HYCC1: variants seen among roughly 807,000 people sequenced by gnomAD.
HYCC1 encodes the protein hyccin.
chr7:22,975,357 A>G, the HYCC1 span, among the ~76,000 whole-genome samples: 2 of 152,230 alleles, frequency 1.3e-5, no homozygotes, highest in Non-Finnish European at 2.9e-5. Flanking sequence ...ATATTCAACC[A>G]ATCAGGAAAT....
chr7:22,944,167 A>T, the HYCC1 span: 1 of 152,206 alleles, frequency 6.6e-6, no homozygotes, highest in African/African-American at 2.4e-5. Flanking sequence ...TCACAGTGAA[A>T]AAGAGCCAAG....
At chr7:22,915,419 A>G in the HYCC1 span, among the ~76,000 whole-genome samples, 4 of 152,238 alleles carry the variant, frequency 2.6e-5, no homozygotes, top group African/African-American at 9.6e-5. Flanking sequence ...CACTGGGCCA[A>G]GGAATGCCTG....
the HYCC1 span, among the ~76,000 whole-genome samples, chr7:23,005,715 T>C: frequency 6.6e-6 from 1 of 152,234 alleles, no homozygotes; most frequent in Non-Finnish European, 1.5e-5. Flanking sequence ...TGTTCTTCTG[T>C]AACCTGAAGC....
the HYCC1 span, among the ~76,000 whole-genome samples, chr7:23,012,477 A>G: frequency 6.6e-6 from 1 of 152,234 alleles, no homozygotes; most frequent in East Asian, 1.9e-4. Flanking sequence ...GAATAAGGAT[A>G]AACGAGCCAA....
At chr7:22,902,876 C>A in the HYCC1 span, among the ~76,000 whole-genome samples, 1 of 152,004 alleles carries the variant, frequency 6.6e-6, no homozygotes, top group African/African-American at 2.4e-5. Flanking sequence ...TAGATAGGAA[C>A]ACTAAAGCAT....
the HYCC1 span, among the ~76,000 whole-genome samples, chr7:22,955,557 T>A: frequency 6.6e-6 from 1 of 151,786 alleles, no homozygotes; most frequent in African/African-American, 2.4e-5. Context: ...AATGAATGAC[T>A]AGTATTACAA....
chr7:22,914,753 G>A, the HYCC1 span, among the ~76,000 whole-genome samples: 3 of 151,624 alleles, frequency 2.0e-5, no homozygotes, highest in Admixed American at 6.6e-5. Flanking sequence ...CCTTTTTTAC[G>A]GACCCATCTG....
chr7:22,903,351 G>T, the HYCC1 span, among the ~76,000 whole-genome samples: 43 of 151,616 alleles, frequency 2.8e-4, no homozygotes, highest in Middle Eastern at 3.4e-3. Flanking sequence ...GAAAAAAAAA[G>T]AGACTCCAAA....
chr7:22,971,690 A>C, the HYCC1 span, among the ~76,000 whole-genome samples: 1 of 151,820 alleles, frequency 6.6e-6, no homozygotes, highest in Non-Finnish European at 1.5e-5. Flanking sequence ...AAAAAAAAAA[A>C]AAAAAAAGAG....
chr7:22,921,472 T>C, the HYCC1 span, among the ~76,000 whole-genome samples: 1 of 152,328 alleles, frequency 6.6e-6, no homozygotes, highest in South Asian at 2.1e-4. Context: ...CATAAAGTAA[T>C]AATTGTAACA....
the HYCC1 span, among the ~76,000 whole-genome samples, chr7:22,994,621 T>C: frequency 6.6e-6 from 1 of 152,124 alleles, no homozygotes; most frequent in South Asian, 2.1e-4. Flanking sequence ...CCTCATTGTA[T>C]AGCTGAGCTC....
the HYCC1 span, among the ~76,000 whole-genome samples, chr7:22,993,635 T>C: frequency 6.6e-6 from 1 of 152,038 alleles, no homozygotes; most frequent in African/African-American, 2.4e-5. Context: ...TCAACTTTGT[T>C]AGTCATCAGG....
the HYCC1 span, among the ~76,000 whole-genome samples, chr7:22,901,290 A>C: frequency 6.6e-6 from 1 of 151,356 alleles, no homozygotes; most frequent in South Asian, 2.1e-4. Flanking sequence ...AAAAATGTTA[A>C]GCAACCCAGA....
the HYCC1 span, among the ~76,000 whole-genome samples, chr7:22,992,914 C>G: frequency 6.6e-6 from 1 of 152,078 alleles, no homozygotes; most frequent in Non-Finnish European, 1.5e-5. Context: ...GAACCAAGAA[C>G]AGTCAAGGGC....
the HYCC1 span, among the ~76,000 whole-genome samples, chr7:22,975,835 G>C: frequency 6.6e-6 from 1 of 152,068 alleles, no homozygotes; most frequent in East Asian, 1.9e-4. Flanking sequence ...TCCCACCTCA[G>C]CCTCCCAGGT....
the HYCC1 span, among the ~76,000 whole-genome samples, chr7:22,932,074 G>T: frequency 6.6e-6 from 1 of 152,126 alleles, no homozygotes; most frequent in African/African-American, 2.4e-5. Flanking sequence ...AGGCGTGGTG[G>T]ACAAAAGTTT....
At chr7:22,947,063 T>G in the HYCC1 span, 1 of 1,550,414 alleles carries the variant, frequency 6.4e-7, no homozygotes, top group Non-Finnish European at 8.7e-7. Context: ...CTGGCAAGCC[T>G]TTGCTCTCAG....
the HYCC1 span, chr7:22,964,657 A>G: frequency 1.5e-6 from 1 of 651,016 alleles, no homozygotes; most frequent in Non-Finnish European, 2.8e-6. Context: ...TGAAACAAAG[A>G]ATCTTTCCAA....
At chr7:22,915,901 C>T in the HYCC1 span, among the ~76,000 whole-genome samples, 1 of 152,110 alleles carries the variant, frequency 6.6e-6, no homozygotes, top group African/African-American at 2.4e-5. Context: ...ATCTGCTTCC[C>T]TGACTATTCC....
Sources: allele counts gnomAD v4.1 joint callset (sites outside exome capture counted in the v4.1 genomes callset), GRCh38; gene constraint gnomAD v4.1.1; transcripts MANE v1.5; gene names NCBI Gene and HGNC (gene_info 2026-07-23, HGNC 2026-07-21).